ENTPD1: variants seen among roughly 807,000 people sequenced by gnomAD.
ENTPD1 encodes ectonucleoside triphosphate diphosphohydrolase 1, also known as ATP diphosphohydrolase.
ENTPD1 carries 33 observed loss-of-function variants against 57.0 expected under a neutral mutation model. The observed-to-expected ratio is 0.58, with a 90% CI of 0.44 to 0.77. The LOEUF (loss-of-function observed/expected upper bound fraction) is 0.77. Ranked by LOEUF, ENTPD1 falls within the 30% of genes least tolerant of loss-of-function variation. The pLI is 0.00. For synonymous variants in ENTPD1, 202 were observed against 218.8 expected, an observed-to-expected ratio of 0.92 and a Z score of 0.68; for missense variants, 501 against 603.4, an observed-to-expected ratio of 0.83 and a Z score of 1.78.
chr10:95,844,308 A>T (rs2098429216), intron 4 of ENTPD1, among the ~76,000 whole-genome samples, 168 bp from the exon 5 acceptor site: 1 of 152,206 alleles, frequency 6.6e-6, no homozygotes, highest in Non-Finnish European at 1.5e-5. Context: ...GCCTCATCCA[A>T]AAAAGGGGTT....
intron 2 of ENTPD1, among the ~76,000 whole-genome samples, chr10:95,836,896 A>C (rs182417132): frequency 3.0e-4 from 46 of 152,340 alleles, no homozygotes; most frequent in African/African-American, 1.1e-3. Flanking sequence ...ACTTTCAGTC[A>C]AGCTTTATCT....
At chr10:95,860,628 T>C in intron 8 of ENTPD1, 46 bp downstream of exon 8, 1 of 1,521,630 alleles carries the variant, frequency 6.6e-7, no homozygotes, top group East Asian at 2.3e-5. Context: ...GTGCCCTGTG[T>C]CGTTGCTGAT....
chr10:95,707,520 C>T (rs1689905814), upstream of ENTPD1, among the ~76,000 whole-genome samples: 1 of 152,234 alleles, frequency 6.6e-6, no homozygotes, highest in Admixed American at 6.5e-5. Context: ...GGTAGGAATA[C>T]AATGGAGATT....
chr10:95,755,843 T>C (rs766637616), upstream of ENTPD1: 7 of 1,516,736 alleles, frequency 4.6e-6, no homozygotes, highest in Non-Finnish European at 6.2e-6. Flanking sequence ...AGATGACTTT[T>C]TCAAGGGAGA....
At chr10:95,841,652 T>G (rs939620057) in intron 3 of ENTPD1, among the ~76,000 whole-genome samples, 20 of 152,356 alleles carry the variant, frequency 1.3e-4, no homozygotes, top group African/African-American at 4.6e-4. Flanking sequence ...GAAGCACTGA[T>G]AGTGTAGATA....
intron 1 of ENTPD1, among the ~76,000 whole-genome samples, chr10:95,808,733 T>TA (rs397971809): frequency 6.6e-5 from 10 of 151,270 alleles, no homozygotes; most frequent in African/African-American, 2.2e-4. Flanking sequence ...TTTTTTTTTT[T>TA]AATAATTTTG....
At chr10:95,822,331 C>A (rs1034896667) in intron 1 of ENTPD1, among the ~76,000 whole-genome samples, 2 of 150,438 alleles carry the variant, frequency 1.3e-5, no homozygotes, top group African/African-American at 4.9e-5. Flanking sequence ...GAGTCTTGTT[C>A]TGTCGCCCAG....
chr10:95,869,505 C>A lies in ENTPD1; in HGVS notation c.*3122C>A. 1.0e-6 allele frequency: 1 copy of A among 966,658 alleles called. No homozygotes were observed. Among genetic ancestry groups the A allele is most frequent in the African/African-American group, 1.8e-5 (1 of 56,868 alleles). The allele number at this position is 966,658 out of a possible 1,614,324, so 59.9% of individuals were successfully genotyped here. On this transcript the variant is annotated 3_prime_UTR_variant, in exon 10 of 10. Coordinates refer to ENST00000371205, the MANE Select transcript of ENTPD1 (RefSeq NM_001776.6). The stretch of plus-strand genomic sequence containing the variant: ...TCTCAGGTGATCCTATTGCCTCGGG[C>A]TCCCAAAGTGCTGGGATTACAGGAG...
At chr10:95,764,846 C>T (rs145998712) in intron 1 of ENTPD1, among the ~76,000 whole-genome samples, 2,188 of 151,730 alleles carry the variant, frequency 0.014, 49 homozygotes, top group African/African-American at 0.05. Context: ...CCTCAGCCTC[C>T]GGAGTAGCTG....
chr10:95,861,337 C>T (rs1341365950), intron 8 of ENTPD1: 2 of 152,248 alleles, frequency 1.3e-5, no homozygotes, highest in East Asian at 1.9e-4. Flanking sequence ...TCCAGTGCCA[C>T]AAGATGAAAA....
chr10:95,778,473 C>T (rs1319721809), intron 1 of ENTPD1, among the ~76,000 whole-genome samples: 2 of 97,626 alleles, frequency 2.0e-5, no homozygotes, highest in East Asian at 2.2e-4. Context: ...TTTTCACATA[C>T]CTAAAAGATT....
intron 1 of ENTPD1, among the ~76,000 whole-genome samples, chr10:95,786,403 G>A (rs2098180070): frequency 6.6e-6 from 1 of 152,160 alleles, no homozygotes; most frequent in Non-Finnish European, 1.5e-5. Context: ...CCCTGAAAAG[G>A]AGCCTGAAAG....
Position 95,868,681 on chromosome 10 carries a change from G to T in ENTPD1, c.*2298G>T, listed in dbSNP as rs7100644. 0.07 allele frequency: 68,223 copies of T among 979,186 alleles called. 2,507 individuals carry two copies. The highest frequency in any genetic ancestry group is 0.096 in the African/African-American group (5,503 of 57,112). The allele number at this position is 979,186 out of a possible 1,614,324, so 60.7% of individuals were successfully genotyped here. A position where few individuals can be genotyped will look rare whatever the true frequency, so the allele number is the denominator to read the frequency against. Reference sequence around the variant, plus strand: ...ATGAGGATCACACAAACTACTACATGGCAGAGCAGATACTCCAACTCATGT... The same window carrying T: ...ATGAGGATCACACAAACTACTACATTGCAGAGCAGATACTCCAACTCATGT... On this transcript the variant is annotated 3_prime_UTR_variant, in exon 10 of 10. Coordinates refer to ENST00000371205, the MANE Select transcript of ENTPD1 (RefSeq NM_001776.6).
chr10:95,712,237 AAAG>A (rs1430889623), intron 1 of ENTPD1, among the ~76,000 whole-genome samples: 1 of 152,154 alleles, frequency 6.6e-6, no homozygotes, highest in Non-Finnish European at 1.5e-5. Context: ...GTTGTGTCAT[AAAG>A]AAGGATGCCA....
the ENTPD1 span, among the ~76,000 whole-genome samples, chr10:95,695,582 TG>T: frequency 2.6e-5 from 4 of 152,244 alleles, no homozygotes; most frequent in Non-Finnish European, 5.9e-5. Context: ...TTTTCAAATA[TG>T]TTTTTATGTT....
At chr10:95,707,854 C>T (rs1289245509), upstream of ENTPD1, among the ~76,000 whole-genome samples, 3 of 152,202 alleles carry the variant, frequency 2.0e-5, no homozygotes, top group Non-Finnish European at 4.4e-5. Context: ...ATCTGCCCAC[C>T]TTGGCATCCC....
chr10:95,823,138 A>T, intron 1 of ENTPD1, 99 bp from the exon 2 acceptor site: 1 of 1,435,046 alleles, frequency 7.0e-7, no homozygotes, highest in Admixed American at 1.7e-5. Context: ...TCTGTCTCTG[A>T]TGTCTCCAGG....
At chr10:95,759,760 T>C (rs575330952) in intron 1 of ENTPD1, among the ~76,000 whole-genome samples, 85 of 152,340 alleles carry the variant, frequency 5.6e-4, no homozygotes, top group African/African-American at 1.9e-3. Context: ...CTAATAATAA[T>C]AGCTAACATT....
At chr10:95,847,752 TA>T (rs754085690) in intron 7 of ENTPD1, 46 bp downstream of exon 7, 1 of 1,612,936 alleles carries the variant, frequency 6.2e-7, no homozygotes, top group Admixed American at 1.7e-5. Flanking sequence ...GTTTACAAGT[TA>T]TAGAATATGT....
Sources: allele counts gnomAD v4.1 joint callset (sites outside exome capture counted in the v4.1 genomes callset), GRCh38; gene constraint gnomAD v4.1.1; transcripts MANE v1.5; gene names NCBI Gene and HGNC (gene_info 2026-07-23, HGNC 2026-07-21).